Variants in SHC3 observed in about 807,000 individuals in gnomAD.
The protein encoded by SHC3 is SHC adaptor protein 3.
A neutral mutation model predicts 60.4 loss-of-function variants in SHC3; 15 were observed. The ratio of observed to expected loss-of-function variants is 0.25; its 90% CI spans 0.17 to 0.38. SHC3 has a LOEUF of 0.38. Among genes scored for constraint, SHC3 ranks in the 10% least tolerant of loss-of-function variants. The pLI is 1.00. For missense variants in SHC3, 677 were observed against 786.1 expected, an observed-to-expected ratio of 0.86 and a Z score of 1.66; for synonymous variants, 294 against 325.9, an observed-to-expected ratio of 0.90 and a Z score of 1.05.
intron 2 of SHC3, among the ~76,000 whole-genome samples, chr9:89,095,966 C>T (rs897140401): frequency 6.6e-6 from 1 of 152,162 alleles, no homozygotes; most frequent in South Asian, 2.1e-4. Flanking sequence ...GGCAGCATCC[C>T]TTAGCACTCC....
At position 89,006,817 on chromosome 9, in the gene SHC3, ACAAAATTAACCC is replaced by A. The variant is rs1360983869; in HGVS notation, c.*6618_*6629del. 1 of 152,260 alleles carries A rather than the reference ACAAAATTAACCC, an allele frequency of 6.6e-6. No individual in the cohort carries two copies. The highest frequency in any genetic ancestry group is 1.5e-5 in the Non-Finnish European group (1 of 68,044). The allele number at this position is 152,260 out of a possible 1,614,324, so 9.4% of individuals were successfully genotyped here. A position where few individuals can be genotyped will look rare whatever the true frequency, so the allele number is the denominator to read the frequency against. Reference sequence around the variant, plus strand: ...ACTTGCAACCAACACATAGCTGTTAACAAAATTAACCCCATTAATATTTAAAGACGGATTTAT... The same window carrying A: ...ACTTGCAACCAACACATAGCTGTTAACATTAATATTTAAAGACGGATTTAT... On this transcript the variant is annotated 3_prime_UTR_variant, in exon 12 of 12. Transcript: ENST00000375835.
intron 1 of SHC3, among the ~76,000 whole-genome samples, chr9:89,123,778 T>C (rs962845909): frequency 6.6e-6 from 1 of 152,194 alleles, no homozygotes; most frequent in Admixed American, 6.5e-5. Flanking sequence ...CTACCTTCAG[T>C]GTCTATTAGA....
At chr9:89,035,829 A>AT (rs1472701124) in intron 11 of SHC3, among the ~76,000 whole-genome samples, 21 of 94,748 alleles carry the variant, frequency 2.2e-4, no homozygotes, top group African/African-American at 9.1e-4. Context: ...CAAACAAACA[A>AT]AATATATATA....
chr9:89,040,222 C>CACTATCATCACCAT (rs1824661707), intron 10 of SHC3, among the ~76,000 whole-genome samples: 1 of 144,608 alleles, frequency 6.9e-6, no homozygotes, highest in Non-Finnish European at 1.5e-5. Flanking sequence ...ATCATCATCA[C>CACTATCATCACCAT]CACCACCATC....
intron 1 of SHC3, among the ~76,000 whole-genome samples, chr9:89,130,409 G>A (rs1243110201): frequency 1.3e-5 from 2 of 152,168 alleles, no homozygotes; most frequent in Non-Finnish European, 2.9e-5. Flanking sequence ...TCTGCACCAA[G>A]TGGATGTAAT....
intron 3 of SHC3, 143 bp from the exon 4 acceptor site, chr9:89,075,371 T>C: frequency 8.8e-7 from 1 of 1,131,432 alleles, no homozygotes. Context: ...ATGAATAAGC[T>C]GGGAGTAGGG....
At chr9:89,177,899 C>T (rs1013106476) in intron 1 of SHC3, 88 bp downstream of exon 1, 5 of 1,137,804 alleles carry the variant, frequency 4.4e-6, no homozygotes, top group Non-Finnish European at 5.4e-6. Flanking sequence ...GGGAGCGCCC[C>T]GCACCCCGGG....
At chr9:89,026,783 T>C (rs757289734) in intron 11 of SHC3, among the ~76,000 whole-genome samples, 6 of 152,200 alleles carry the variant, frequency 3.9e-5, no homozygotes, top group Non-Finnish European at 5.9e-5. Context: ...ACTTTCCACC[T>C]GAGGAGTGAG....
chr9:89,046,268 T>G (rs892666590), intron 8 of SHC3, among the ~76,000 whole-genome samples: 12 of 152,126 alleles, frequency 7.9e-5, no homozygotes, highest in Non-Finnish European at 1.3e-4. Context: ...GGAAATTCCC[T>G]CTCAGTGTCA....
At chr9:89,133,441 G>T (rs1175616560) in intron 1 of SHC3, among the ~76,000 whole-genome samples, 1 of 152,114 alleles carries the variant, frequency 6.6e-6, no homozygotes, top group East Asian at 1.9e-4. Context: ...AAATCATGCT[G>T]CTATAAAGAC....
At chr9:89,119,648 CAT>C (rs1826063634) in intron 1 of SHC3, among the ~76,000 whole-genome samples, 1 of 152,188 alleles carries the variant, frequency 6.6e-6, no homozygotes, top group South Asian at 2.1e-4. Flanking sequence ...TGTGGAAAGA[CAT>C]GTCATGCTTT....
chr9:89,127,986 G>T (rs1193904588), intron 1 of SHC3, among the ~76,000 whole-genome samples: 1 of 152,106 alleles, frequency 6.6e-6, no homozygotes, highest in African/African-American at 2.4e-5. Flanking sequence ...AAGTAATCCA[G>T]TTAAGAAACT....
At position 89,035,851 on chromosome 9, in the gene SHC3, A is replaced by G. The variant is rs1190513016; in HGVS notation, c.1656+2142T>C. Among the ~76,000 whole-genome samples the G allele has an allele frequency of 1.6e-5, 2 of 128,512 alleles. 1 individual carries two copies. Among genetic ancestry groups the G allele is most frequent in the South Asian group, 5.3e-4 (2 of 3,808 alleles). The allele number at this position is 128,512 out of a possible 152,430, so 84.3% of individuals were successfully genotyped here. On this transcript the variant is annotated intron_variant, in intron 11 of 11. Coordinates refer to ENST00000375835, the MANE Select transcript of SHC3 (RefSeq NM_016848.6). ...ACAAAATATATATATATATATATAG[A>G]TGTGTGTGTGTGTGTGTGTGTGTGT... is the stretch of plus-strand genomic sequence containing the variant.
chr9:89,125,725 GCGC>G (rs1826154756), intron 1 of SHC3, among the ~76,000 whole-genome samples: 1 of 152,096 alleles, frequency 6.6e-6, no homozygotes, highest in Non-Finnish European at 1.5e-5. Flanking sequence ...ATTCCCACCA[GCGC>G]CATGACAGTT....
At chr9:89,112,123 C>A (rs1364727657) in intron 2 of SHC3, among the ~76,000 whole-genome samples, 2 of 152,218 alleles carry the variant, frequency 1.3e-5, no homozygotes, top group Non-Finnish European at 2.9e-5. Context: ...GACCTACTCC[C>A]ATGGCTGTTT....
chr9:89,096,569 T>C (rs1825705104), intron 2 of SHC3, among the ~76,000 whole-genome samples: 1 of 152,232 alleles, frequency 6.6e-6, no homozygotes, highest in African/African-American at 2.4e-5. Flanking sequence ...CAAAATAAAC[T>C]GAAAACCCCA....
At chr9:89,020,685 G>C (rs1826186141) in intron 11 of SHC3, among the ~76,000 whole-genome samples, 1 of 152,218 alleles carries the variant, frequency 6.6e-6, no homozygotes, top group South Asian at 2.1e-4. Context: ...CCCAGGAGGA[G>C]AGCAAAATGG....
intron 6 of SHC3, 72 bp downstream of exon 6, chr9:89,065,457 G>C (rs557639350): frequency 4.7e-6 from 7 of 1,494,526 alleles, no homozygotes; most frequent in Non-Finnish European, 5.6e-6. Context: ...GAGATAACGA[G>C]GACCAGCTTG....
chr9:89,141,741 G>A (rs1826396856), intron 1 of SHC3, among the ~76,000 whole-genome samples: 1 of 152,136 alleles, frequency 6.6e-6, no homozygotes, highest in African/African-American at 2.4e-5. Flanking sequence ...GCTCCTGATT[G>A]GGCCCTGTCA....
Sources: gnomAD v4.1 joint callset for allele counts (sites outside exome capture counted in the v4.1 genomes callset) on GRCh38, gnomAD v4.1.1 for gene constraint, MANE v1.5 for transcripts, NCBI Gene and HGNC (gene_info 2026-07-23, HGNC 2026-07-21) for gene names.